The following CFAP54 variants were observed in gnomAD, a reference collection of about 807,000 sequenced individuals.
The protein encoded by CFAP54 is cilia- and flagella-associated protein 54.
A neutral mutation model predicts 370.4 loss-of-function variants in CFAP54; 290 were observed. That is an observed-to-expected ratio of 0.78 (90% CI 0.71 to 0.86). The LOEUF (loss-of-function observed/expected upper bound fraction) is 0.86. Ranked by LOEUF, CFAP54 falls within the 40% of genes least tolerant of loss-of-function variation. CFAP54 has a pLI of 0.00. For synonymous variants in CFAP54, 1,206 were observed against 1,236.5 expected, an observed-to-expected ratio of 0.98 and a Z score of 0.52; for missense variants, 3,399 against 3,528.7, an observed-to-expected ratio of 0.96 and a Z score of 0.93.
At chr12:96,745,037 G>A (rs915894287) in intron 55 of CFAP54, among the ~76,000 whole-genome samples, 1 of 152,174 alleles carries the variant, frequency 6.6e-6, no homozygotes, top group Non-Finnish European at 1.5e-5. Flanking sequence ...TTTTATGGCT[G>A]CATAATATTC....
At chr12:96,507,171 C>A in intron 4 of CFAP54, 72 bp downstream of exon 4, 1 of 1,146,100 alleles carries the variant, frequency 8.7e-7, no homozygotes, top group Non-Finnish European at 1.2e-6. Flanking sequence ...TTGACAGTAG[C>A]TTGAGTACCT....
At chr12:96,744,449 A>G (rs1565962499) in intron 55 of CFAP54, among the ~76,000 whole-genome samples, 1 of 152,180 alleles carries the variant, frequency 6.6e-6, no homozygotes, top group Non-Finnish European at 1.5e-5. Context: ...ATGCCCACAT[A>G]ATTTACTTCA....
At chr12:96,636,370 T>C (rs994224872) in intron 32 of CFAP54, among the ~76,000 whole-genome samples, 1 of 152,214 alleles carries the variant, frequency 6.6e-6, no homozygotes, top group Non-Finnish European at 1.5e-5. Context: ...GTCCATTTTA[T>C]CTAAAAAATT....
At chr12:96,503,297 CCTTTT>C (rs1428026599) in intron 2 of CFAP54, among the ~76,000 whole-genome samples, 2 of 143,630 alleles carry the variant, frequency 1.4e-5, no homozygotes, top group East Asian at 4.1e-4. Context: ...CCTTCTCTTC[CCTTTT>C]CTTTTCCTTT....
chr12:96,784,866 A>T lies in CFAP54; in HGVS notation c.8431A>T (p.Ile2811Phe), dbSNP rs750851325. ...LLRYYIHLQR[I>F]NNLSKLLASA... ...GCGCTACTATATTCACCTTCAGAGG[A>T]TTAATAATCTGAGCAAACTGCTAGG... The change falls in exon 61 of 68, where the codon ATT (isoleucine) becomes TTT (phenylalanine). Residue 2811 changes from isoleucine to phenylalanine, a missense_variant. Physicochemically the swap from Ile to Phe is conservative, Grantham distance 21. This residue lies in a region of CFAP54 where 2,796 missense variants were observed against 2,869.7 expected (regional missense o/e 0.97). Coordinates refer to ENST00000524981, the MANE Select transcript of CFAP54 (RefSeq NM_001306084.2). 72 of 1,524,280 alleles carry T rather than the reference A, an allele frequency of 4.7e-5. No homozygotes were observed. The highest frequency in any genetic ancestry group is 6.2e-5 in the Non-Finnish European group (71 of 1,141,358). 94.4% of individuals were successfully genotyped at this position (1,524,280 alleles called of 1,614,324 possible). A position where few individuals can be genotyped will look rare whatever the true frequency, so the allele number is the denominator to read the frequency against.
At chr12:96,827,181 G>A (rs9705946) in intron 65 of CFAP54, among the ~76,000 whole-genome samples, 1,099 of 12,964 alleles carry the variant, frequency 0.085, 270 homozygotes, top group African/African-American at 0.26. Flanking sequence ...ATAATGTGCA[G>A]TTATATGTGA....
chr12:96,673,927 T>C (rs1310073856), intron 39 of CFAP54, among the ~76,000 whole-genome samples: 1 of 152,244 alleles, frequency 6.6e-6, no homozygotes, highest in Non-Finnish European at 1.5e-5. Context: ...GTATAGTCTC[T>C]GTAGGATTTG....
intron 48 of CFAP54, among the ~76,000 whole-genome samples, chr12:96,713,332 C>G (rs553144044): frequency 6.6e-6 from 1 of 151,986 alleles, no homozygotes; most frequent in Admixed American, 6.6e-5. Context: ...TATATATACA[C>G]GATGAAATAT....
At chr12:96,676,251 T>C (rs1223551774) in intron 39 of CFAP54, among the ~76,000 whole-genome samples, 2 of 152,008 alleles carry the variant, frequency 1.3e-5, no homozygotes, top group African/African-American at 4.8e-5. Context: ...TGGAAATAAA[T>C]AGGACAGGGA....
intron 64 of CFAP54, among the ~76,000 whole-genome samples, 149 bp from the exon 65 acceptor site, chr12:96,817,621 CATGTT>C (rs369211137): frequency 0.31 from 46,450 of 151,940 alleles, 7,479 homozygotes; most frequent in South Asian, 0.54. Context: ...GGGGTTTCAC[CATGTT>C]AGCCAGGATG....
chr12:96,629,778 T>C (rs1956586486), intron 30 of CFAP54, among the ~76,000 whole-genome samples: 1 of 152,234 alleles, frequency 6.6e-6, no homozygotes, highest in South Asian at 2.1e-4. Context: ...GGGCTGTAGT[T>C]TCCAAGATAT....
chr12:96,645,024 C>T, intron 33 of CFAP54: 1 of 359,376 alleles, frequency 2.8e-6, no homozygotes, highest in Non-Finnish European at 5.6e-6. Flanking sequence ...AATGTAATTC[C>T]AAGAGAAGTT....
At chr12:96,810,305 A>G (rs1958918227) in intron 63 of CFAP54, among the ~76,000 whole-genome samples, 1 of 152,030 alleles carries the variant, frequency 6.6e-6, no homozygotes, top group Non-Finnish European at 1.5e-5. Flanking sequence ...TAGTGTTGCT[A>G]ACATCTTTTG....
chr12:96,761,258 T>TA (rs75166274), intron 58 of CFAP54, among the ~76,000 whole-genome samples: 13,054 of 152,238 alleles, frequency 0.086, 990 homozygotes, highest in East Asian at 0.44. Context: ...GCCATTTGTG[T>TA]ATCTTCTTTG....
intron 65 of CFAP54, among the ~76,000 whole-genome samples, chr12:96,825,218 T>C (rs1444016148): frequency 1.4e-5 from 2 of 138,444 alleles, no homozygotes; most frequent in East Asian, 4.3e-4. Context: ...TATATATATA[T>C]ATATTCTCTC....
chr12:96,600,089 G>C (rs189252803), intron 26 of CFAP54, among the ~76,000 whole-genome samples: 80 of 152,294 alleles, frequency 5.3e-4, no homozygotes, highest in Admixed American at 2.1e-3. Context: ...CCTATGTCCT[G>C]AATGGTATTG....
intron 39 of CFAP54, among the ~76,000 whole-genome samples, chr12:96,678,495 AC>A (rs1957236473): frequency 6.6e-6 from 1 of 152,056 alleles, no homozygotes; most frequent in African/African-American, 2.4e-5. Context: ...CAAGTGATCC[AC>A]CTGCCACGGC....
chr12:96,720,358 T>G (rs2136608668), intron 49 of CFAP54, 47 bp from the exon 50 acceptor site: 1 of 1,308,316 alleles, frequency 7.6e-7, no homozygotes. Flanking sequence ...AGAGACAGTA[T>G]TTGTATTATT....
At chr12:96,663,424 G>A (rs192508500) in intron 38 of CFAP54, among the ~76,000 whole-genome samples, 3 of 152,218 alleles carry the variant, frequency 2.0e-5, no homozygotes, top group East Asian at 1.9e-4. Context: ...ATACTACAGA[G>A]GAAGTTAGTT....
Sources: allele counts gnomAD v4.1 joint callset (sites outside exome capture counted in the v4.1 genomes callset), GRCh38; gene constraint gnomAD v4.1.1; regional missense constraint gnomAD v4.1.1; transcripts MANE v1.5; gene names NCBI Gene and HGNC (gene_info 2026-07-23, HGNC 2026-07-21).